The following GATAD2B variants were observed in gnomAD, a reference collection of about 807,000 sequenced individuals.
The protein encoded by GATAD2B is GATA zinc finger domain containing 2B.
GATAD2B carries 8 observed loss-of-function variants against 64.3 expected under a neutral mutation model. The ratio of observed to expected loss-of-function variants is 0.12; its 90% CI spans 0.07 to 0.22. GATAD2B has a LOEUF of 0.22. Among genes scored for constraint, GATAD2B ranks in the 10% least tolerant of loss-of-function variants. The pLI, the probability that GATAD2B is intolerant of heterozygous loss-of-function variation, is 1.00. For missense variants in GATAD2B, 453 were observed against 752.0 expected, an observed-to-expected ratio of 0.60 and a Z score of 4.65; for synonymous variants, 281 against 271.3, an observed-to-expected ratio of 1.04 and a Z score of -0.35.
chr1:153,858,847 AG>A (rs1380995550), intron 1 of GATAD2B, among the ~76,000 whole-genome samples: 1 of 152,194 alleles, frequency 6.6e-6, no homozygotes, highest in Non-Finnish European at 1.5e-5. Flanking sequence ...GAGTGGTGTT[AG>A]GGTAGGGGAA....
intron 1 of GATAD2B, among the ~76,000 whole-genome samples, chr1:153,863,017 C>T (rs1361469203): frequency 6.6e-6 from 1 of 152,126 alleles, no homozygotes; most frequent in Non-Finnish European, 1.5e-5. Flanking sequence ...AGGCACTGCG[C>T]CTGGCATACT....
intron 7 of GATAD2B, 145 bp from the exon 8 acceptor site, chr1:153,813,597 CT>C: frequency 1.6e-6 from 1 of 638,180 alleles, no homozygotes; most frequent in Non-Finnish European, 2.7e-6. Context: ...TTACAAAATA[CT>C]TTTATTTCAT....
chr1:153,838,664 A>G (rs1367431774), intron 1 of GATAD2B, among the ~76,000 whole-genome samples: 1 of 151,992 alleles, frequency 6.6e-6, no homozygotes, highest in Non-Finnish European at 1.5e-5. Flanking sequence ...CCATGTGCAT[A>G]TTTTCTCTTT....
chr1:153,916,952 C>T (rs568000746), intron 1 of GATAD2B, among the ~76,000 whole-genome samples: 1 of 148,662 alleles, frequency 6.7e-6, no homozygotes, highest in East Asian at 2.0e-4. Flanking sequence ...GGATTACAGG[C>T]GCCCACCACC....
intron 1 of GATAD2B, among the ~76,000 whole-genome samples, chr1:153,886,266 G>A (rs1367208378): frequency 2.0e-5 from 3 of 152,160 alleles, no homozygotes; most frequent in Non-Finnish European, 4.4e-5. Context: ...ATTGTAAAGT[G>A]TATTTAAACA....
intron 1 of GATAD2B, among the ~76,000 whole-genome samples, chr1:153,916,788 T>G (rs1368877698): frequency 6.6e-6 from 1 of 152,150 alleles, no homozygotes; most frequent in African/African-American, 2.4e-5. Context: ...TTATTCCTAT[T>G]GGATCAACAA....
At chr1:153,811,287 A>G (rs1674284516) in intron 10 of GATAD2B, among the ~76,000 whole-genome samples, 1 of 152,216 alleles carries the variant, frequency 6.6e-6, no homozygotes, top group African/African-American at 2.4e-5. Context: ...AAGAATAATG[A>G]ACATGCTTCT....
intron 1 of GATAD2B, among the ~76,000 whole-genome samples, chr1:153,881,560 C>T (rs7522030): frequency 0.44 from 66,718 of 151,960 alleles, 15,455 homozygotes; most frequent in Non-Finnish European, 0.52. Flanking sequence ...ATATTACCTT[C>T]TACACATAGC....
chr1:153,879,154 T>TCGTCTCTTATCTCCTGCC (rs1553196167), intron 1 of GATAD2B, among the ~76,000 whole-genome samples: 2 of 152,088 alleles, frequency 1.3e-5, no homozygotes, highest in Non-Finnish European at 2.9e-5. Context: ...TTAGCCAGGA[T>TCGTCTCTTATCTCCTGCC]CGTCTCTTAT....
chr1:153,908,782 GAAAAA>G (rs1553199454), intron 1 of GATAD2B, among the ~76,000 whole-genome samples: 2 of 31,854 alleles, frequency 6.3e-5, no homozygotes, highest in African/African-American at 2.6e-4. Flanking sequence ...AACATACTTG[GAAAAA>G]AAAAAAAAAA....
rs557568865 is a variant in GATAD2B at position 153,866,426 on chromosome 1, G to A, written c.-1-38078C>T. Among the ~76,000 whole-genome samples the A allele has an allele frequency of 4.4e-4, 67 of 152,234 alleles. No individual in the cohort carries two copies. The Middle Eastern group carries it at 0.01, about 23-fold the overall frequency. On this transcript the variant is annotated intron_variant, in intron 1 of 10. Transcript: ENST00000368655. ...GTCCTCTACTTACAACTGTACAGGT[G>A]AATGAAAGACGATTTGTCTTCTAAA...
At chr1:153,824,420 C>G (rs1183898308) in intron 2 of GATAD2B, among the ~76,000 whole-genome samples, 2 of 152,050 alleles carry the variant, frequency 1.3e-5, no homozygotes, top group East Asian at 1.9e-4. Flanking sequence ...ACAAGGTCAG[C>G]AGATCGAGAC....
intron 1 of GATAD2B, among the ~76,000 whole-genome samples, chr1:153,867,493 A>G (rs370456065): frequency 1.3e-5 from 2 of 152,106 alleles, no homozygotes; most frequent in Admixed American, 6.6e-5. Flanking sequence ...TGGGTGACAG[A>G]GCAAGACCCT....
At chr1:153,841,200 T>C (rs1355489282) in intron 1 of GATAD2B, among the ~76,000 whole-genome samples, 1 of 151,920 alleles carries the variant, frequency 6.6e-6, no homozygotes, top group African/African-American at 2.4e-5. Context: ...TTATCTAGTT[T>C]CCCCCAATGG....
At position 153,813,996 on chromosome 1, in the gene GATAD2B, C is replaced by T. The variant is rs188746191; in HGVS notation, c.1217-544G>A. On this transcript the variant is annotated intron_variant, in intron 7 of 10. Coordinates refer to ENST00000368655, the MANE Select transcript of GATAD2B (RefSeq NM_020699.4). ...CAGTCTCAAACAACAACAACAACAA[C>T]AAAGGTAGCTTCTAACTGATAAAGC... 3.7e-4 allele frequency among the ~76,000 whole-genome samples: 56 copies of T among 152,266 alleles called. 1 individual carries two copies. The East Asian group carries it at 0.011, about 29-fold the overall frequency.
At chr1:153,831,976 A>T (rs1467699258) in intron 1 of GATAD2B, among the ~76,000 whole-genome samples, 1 of 152,218 alleles carries the variant, frequency 6.6e-6, no homozygotes. Context: ...GCACTTTGGG[A>T]AGCCAAGGCG....
rs57287798 is a variant in GATAD2B at position 153,893,955 on chromosome 1, TA to T, written c.-2+28777del. ...CTGGGTGACTGAACAAGACTCCATC[TA>T]AAAAAAAAAAAAAAAAAAAAAAAAA... On this transcript the variant is annotated intron_variant, in intron 1 of 10. Transcript: ENST00000368655. Among the ~76,000 whole-genome samples the T allele has an allele frequency of 9.3e-3, 637 of 68,596 alleles. 6 individuals carry two copies. Among genetic ancestry groups the T allele is most frequent in the African/African-American group, 0.037 (573 of 15,420 alleles). The allele number at this position is 68,596 out of a possible 152,430, so 45.0% of individuals were successfully genotyped here.
chr1:153,828,240 C>T lies in GATAD2B; in HGVS notation c.108G>A (p.Gly36=). ...DVLAKRLKME[G]HEAMERLKML... is the part of the protein sequence containing the mutation. The stretch of plus-strand genomic sequence containing the variant: ...TTTTCAGACGTTCCATGGCCTCATG[C>T]CCCTCCATTTTGAGTCGCTTTGCCA... The change falls in exon 2 of 11, where the codon GGG becomes GGA. Residue 36 remains glycine, a synonymous_variant. Coordinates refer to ENST00000368655, the MANE Select transcript of GATAD2B (RefSeq NM_020699.4). 1 of 1,614,166 alleles carries T rather than the reference C, an allele frequency of 6.2e-7. No homozygotes were observed. The highest frequency in any genetic ancestry group is 8.5e-7 in the Non-Finnish European group (1 of 1,180,026).
chr1:153,901,182 C>G (rs1677759389), intron 1 of GATAD2B, among the ~76,000 whole-genome samples: 1 of 151,590 alleles, frequency 6.6e-6, no homozygotes, highest in Non-Finnish European at 1.5e-5. Flanking sequence ...CCACTGAACT[C>G]CAGCCTGGGC....
Sources: allele counts gnomAD v4.1 joint callset (sites outside exome capture counted in the v4.1 genomes callset), GRCh38; gene constraint gnomAD v4.1.1; transcripts MANE v1.5; gene names NCBI Gene and HGNC (gene_info 2026-07-23, HGNC 2026-07-21).